Variants in SLC4A3 observed in about 807,000 individuals in gnomAD.
SLC4A3 encodes the protein anion exchange protein 3.
Under a neutral mutation model 114.2 loss-of-function variants are expected in SLC4A3, and 47 were observed. The ratio of observed to expected loss-of-function variants is 0.41; its 90% CI spans 0.33 to 0.52. The LOEUF (loss-of-function observed/expected upper bound fraction) is 0.52. SLC4A3 is among the 20% of genes least tolerant of loss of function. The pLI is 0.21. For synonymous variants in SLC4A3, 693 were observed against 710.3 expected (o/e 0.98, Z 0.39); for missense variants, 1,312 against 1,668.3 (o/e 0.79, Z 3.72).
At position 219,639,395 on chromosome 2, in the gene SLC4A3, C is replaced by A. The variant is rs999655005; in HGVS notation, c.3024-87C>A. ...AACTGTTGTCTGCACGTCCTCCCCC[C>A]ACCATCTCGTCTCTGTGTGCGTGCC... On this transcript the variant is annotated intron_variant, in intron 19 of 22. Coordinates refer to ENST00000358055, the MANE Select transcript of SLC4A3 (RefSeq NM_005070.4). The surrounding 1 kb of genome is among the most constrained non-coding windows in gnomAD (Gnocchi z 5.9). 6.1e-6 allele frequency: 9 copies of A among 1,477,196 alleles called. No individual in the cohort carries two copies. The highest frequency in any genetic ancestry group is 7.4e-6 in the Non-Finnish European group (8 of 1,082,566). The allele number at this position is 1,477,196 out of a possible 1,614,324, so 91.5% of individuals were successfully genotyped here.
rs1343046008 is a variant in SLC4A3 at position 219,638,279 on chromosome 2, C to G, written c.2856+26C>G. 4.5e-6 allele frequency: 7 copies of G among 1,541,804 alleles called. No individual in the cohort carries two copies. The highest frequency in any genetic ancestry group is 5.4e-6 in the Non-Finnish European group (6 of 1,118,582). On this transcript the variant is annotated intron_variant, in intron 18 of 22. Coordinates refer to ENST00000358055, the MANE Select transcript of SLC4A3 (RefSeq NM_005070.4). The surrounding 1 kb of genome is among the most constrained non-coding windows in gnomAD (Gnocchi z 7.5). ...GTGAGGGAGCCCCAGCCTGTGGCAG[C>G]TGCTGTCACCCCCAGGCCAGGAGAG...
chr2:219,639,350 A>C lies in SLC4A3; in HGVS notation c.3024-132A>C, dbSNP rs1574658072. On this transcript the variant is annotated intron_variant, in intron 19 of 22. Transcript: ENST00000358055. This position sits in a 1 kb window ranked among gnomAD's most constrained non-coding sequence, Gnocchi z 5.9. ...CTTCAATTTGGGAACTTGAAAGAAG[A>C]AGCTGGCAGTCCTAGGGAGAACTGT... The C allele has an allele frequency of 8.4e-6, 9 of 1,074,196 alleles. No individual in the cohort carries two copies. In the East Asian group the frequency reaches 1.2e-4, roughly 14 times the overall value. 66.5% of individuals were successfully genotyped at this position (1,074,196 alleles called of 1,614,324 possible). A position where few individuals can be genotyped will look rare whatever the true frequency, so the allele number is the denominator to read the frequency against.
Position 219,630,416 on chromosome 2 carries a change from C to G in SLC4A3, c.811+64C>G, listed in dbSNP as rs551310566. 1 of 1,506,538 alleles carries G rather than the reference C, an allele frequency of 6.6e-7. No homozygotes were observed. Among genetic ancestry groups the G allele is most frequent in the Non-Finnish European group, 8.9e-7 (1 of 1,119,566 alleles). 93.3% of individuals were successfully genotyped at this position (1,506,538 alleles called of 1,614,324 possible). ...GACGGACTCCCAGCCTGCGAGTGAC[C>G]TTGGAGAGGCTCTGAGCTGTCCCCT... On this transcript the variant is annotated intron_variant, in intron 6 of 22. Coordinates refer to ENST00000358055, the MANE Select transcript of SLC4A3 (RefSeq NM_005070.4). This position sits in a 1 kb window ranked among gnomAD's most constrained non-coding sequence, Gnocchi z 6.9.
Position 219,631,908 on chromosome 2 carries a change from G to A in SLC4A3, c.812-60G>A, listed in dbSNP as rs905176773. 5 of 1,524,588 alleles carry A rather than the reference G, an allele frequency of 3.3e-6. No homozygotes were observed. In the Admixed American group the frequency reaches 6.5e-5, roughly 20 times the overall value. 94.4% of individuals were successfully genotyped at this position (1,524,588 alleles called of 1,614,324 possible). ...AGATGGGTTGGGCAGAAGGAGCTGG[G>A]CCGTGACCCCGAGGGCCCCAGCTGG... is the stretch of plus-strand genomic sequence containing the variant. On this transcript the variant is annotated intron_variant, in intron 6 of 22. Transcript: ENST00000358055. This position sits in a 1 kb window ranked among gnomAD's most constrained non-coding sequence, Gnocchi z 6.3.
chr2:219,631,577 G>T lies in SLC4A3; in HGVS notation c.812-391G>T. 1 of 949,840 alleles carries T rather than the reference G, an allele frequency of 1.1e-6. No individual in the cohort carries two copies. The highest frequency in any genetic ancestry group is 1.4e-6 in the Non-Finnish European group (1 of 706,378). The allele number at this position is 949,840 out of a possible 1,614,324, so 58.8% of individuals were successfully genotyped here. A position where few individuals can be genotyped will look rare whatever the true frequency, so the allele number is the denominator to read the frequency against. ...TGTGTACCTTCGGGGAGGGGACGTGGGTGTTGAGATAGGGTGCACGGAAAA... is the reference window on the plus strand; with the variant it reads ...TGTGTACCTTCGGGGAGGGGACGTGTGTGTTGAGATAGGGTGCACGGAAAA... On this transcript the variant is annotated intron_variant, in intron 6 of 22. Coordinates refer to ENST00000358055, the MANE Select transcript of SLC4A3 (RefSeq NM_005070.4). This position sits in a 1 kb window ranked among gnomAD's most constrained non-coding sequence, Gnocchi z 6.3.
At position 219,640,484 on chromosome 2, in the gene SLC4A3, T is replaced by C. The variant is rs1291344464; in HGVS notation, c.3332T>C (p.Phe1111Ser). The C allele has an allele frequency of 6.2e-7, 1 of 1,614,084 alleles. No homozygotes were observed. The highest frequency in any genetic ancestry group is 8.5e-7 in the Non-Finnish European group (1 of 1,179,974). ...CGTCGGATCCCATTGGCTGTGCTCT[T>C]TGGGATCTTCCTGTACATGGGGGTC... ...VLRRIPLAVLFGIFLYMGVTS... is the reference protein window; with the variant it reads ...VLRRIPLAVLSGIFLYMGVTS... Residue 1111 changes from phenylalanine (F) to serine (S), a missense_variant, in exon 21 of 23, where the codon TTT (phenylalanine) becomes TCT (serine). Phe to Ser is a radical substitution (Grantham distance 155, BLOSUM62 -2). Coordinates refer to ENST00000358055, the MANE Select transcript of SLC4A3 (RefSeq NM_005070.4).
Position 219,631,294 on chromosome 2 carries a change from CT to C in SLC4A3, c.812-673del. The C allele has an allele frequency of 7.7e-7, 1 of 1,303,550 alleles. No homozygotes were observed. Among genetic ancestry groups the C allele is most frequent in the Non-Finnish European group, 1.0e-6 (1 of 988,444 alleles). 80.7% of individuals were successfully genotyped at this position (1,303,550 alleles called of 1,614,324 possible). ...CCCAATGGGGCACTGAGCCCTGGGC[CT>C]GGGGATACCAATAGCTGGGGCTTTG... is the stretch of plus-strand genomic sequence containing the variant. On this transcript the variant is annotated intron_variant, in intron 6 of 22. Transcript: ENST00000358055. This position sits in a 1 kb window ranked among gnomAD's most constrained non-coding sequence, Gnocchi z 6.3.
chr2:219,633,168 T>C, intron 9 of SLC4A3, 106 bp from the exon 10 acceptor site: 1 of 1,387,036 alleles, frequency 7.2e-7, no homozygotes, highest in Non-Finnish European at 9.9e-7. Context: ...AGTTTCTTTT[T>C]ACACTGAGGC....
chr2:219,627,998 C>T lies in SLC4A3; in HGVS notation c.6C>T (p.Ala2=). The T allele has an allele frequency of 6.2e-7, 1 of 1,600,390 alleles. No homozygotes were observed. ...CCCCAGCCGCCTACCTGGCCATGGCCAACGGAGTGATCCCGCCGCCCGGGG... is the reference window on the plus strand; with the variant it reads ...CCCCAGCCGCCTACCTGGCCATGGCTAACGGAGTGATCCCGCCGCCCGGGG... The part of the protein sequence containing the change: M[A]NGVIPPPGGA... Residue 2 remains alanine (A), a synonymous_variant, in exon 2 of 23, where the codon GCC becomes GCT. Coordinates refer to ENST00000358055, the MANE Select transcript of SLC4A3 (RefSeq NM_005070.4).
Position 219,630,187 on chromosome 2 carries a change from G to C in SLC4A3, c.646G>C (p.Ala216Pro). ...CCCCCGGGCCCGGGCCTCCCGACTC[G>C]CTGGGGAGAAAAGCCGGCCCTGGAG... ...PSPRARASRL[A>P]GEKSRPWSPS... The change falls in exon 6 of 23, where the codon GCT becomes CCT. Residue 216 changes from alanine (A) to proline (P), a missense_variant. Coordinates refer to ENST00000358055, the MANE Select transcript of SLC4A3 (RefSeq NM_005070.4). The surrounding 1 kb of genome is among the most constrained non-coding windows in gnomAD (Gnocchi z 6.9). 1.2e-6 allele frequency: 2 copies of C among 1,612,642 alleles called. No individual in the cohort carries two copies. The highest frequency in any genetic ancestry group is 2.2e-5 in the South Asian group (2 of 91,010).
In SLC4A3 at chr2:219,637,491, G is replaced by A. The variant is rs1699165902; in HGVS notation, c.2536-90G>A. On this transcript the variant is annotated intron_variant, in intron 16 of 22. Coordinates refer to ENST00000358055, the MANE Select transcript of SLC4A3 (RefSeq NM_005070.4). The surrounding 1 kb of genome is among the most constrained non-coding windows in gnomAD (Gnocchi z 4.6). Reference sequence around the variant, plus strand: ...CTGTTGTCTGACCAGGTATTGAGGGGCCACCCTCTCTCTCACAGGTGTACT... The same window carrying A: ...CTGTTGTCTGACCAGGTATTGAGGGACCACCCTCTCTCTCACAGGTGTACT... 3 of 713,284 alleles carry A rather than the reference G, an allele frequency of 4.2e-6. No individual in the cohort carries two copies. The highest frequency in any genetic ancestry group is 7.3e-6 in the Non-Finnish European group (3 of 410,642). 44.2% of individuals were successfully genotyped at this position (713,284 alleles called of 1,614,324 possible). A position where few individuals can be genotyped will look rare whatever the true frequency, so the allele number is the denominator to read the frequency against.
At chr2:219,640,131 G>A (rs538368833) in intron 20 of SLC4A3, among the ~76,000 whole-genome samples, 13 of 152,088 alleles carry the variant, frequency 8.5e-5, no homozygotes, top group Non-Finnish European at 1.3e-4. Context: ...GGGTTTCACC[G>A]TGTTAGCCAT....
Position 219,636,767 on chromosome 2 carries a change from G to T in SLC4A3, c.2428G>T (p.Ala810Ser). 6.2e-7 allele frequency: 1 copy of T among 1,613,986 alleles called. No individual in the cohort carries two copies. The highest frequency in any genetic ancestry group is 1.1e-5 in the South Asian group (1 of 91,078). ...GGTCTTCGTCCTTGCCCTGGTGGCC[G>T]CCGAAGGCAGCTTCCTGGTCCGCTA... Reference protein sequence around the residue: ...LVVFVLALVAAEGSFLVRYIS... With the variant: ...LVVFVLALVASEGSFLVRYIS... The change falls in exon 16 of 23, where the codon GCC (alanine) becomes TCC (serine). Residue 810 changes from alanine to serine, a missense_variant. Physicochemically the swap from Ala to Ser is moderately conservative, Grantham distance 99 (BLOSUM62 1). Transcript: ENST00000358055. The surrounding 1 kb of genome is among the most constrained non-coding windows in gnomAD (Gnocchi z 5.5).
At chr2:219,632,795 TG>T in intron 8 of SLC4A3, 78 bp from the exon 9 acceptor site, 2 of 1,574,814 alleles carry the variant, frequency 1.3e-6, no homozygotes, top group East Asian at 2.2e-5. Context: ...CGCATGCTTT[TG>T]GGGGGCAAGG....
rs1209912404 is a variant in SLC4A3 at position 219,638,047 on chromosome 2, TG to T, written c.2767-111del. On this transcript the variant is annotated intron_variant, in intron 17 of 22. Coordinates refer to ENST00000358055, the MANE Select transcript of SLC4A3 (RefSeq NM_005070.4). This position sits in a 1 kb window ranked among gnomAD's most constrained non-coding sequence, Gnocchi z 7.5. ...GGCACCTGTGGGGTTGAGAGGCACGTGGGGGGCCTTCTGGCTCCAGCTTGGA... is the reference window on the plus strand; with the variant it reads ...GGCACCTGTGGGGTTGAGAGGCACGTGGGGGCCTTCTGGCTCCAGCTTGGA... The T allele has an allele frequency of 1.2e-6, 1 of 850,598 alleles. No individual in the cohort carries two copies. The allele number at this position is 850,598 out of a possible 1,614,324, so 52.7% of individuals were successfully genotyped here.
At chr2:219,629,720 C>A in intron 5 of SLC4A3, 25 bp downstream of exon 5, 1 of 1,523,050 alleles carries the variant, frequency 6.6e-7, no homozygotes, top group Non-Finnish European at 9.0e-7. Flanking sequence ...CTCTACTCAG[C>A]AGGGCCCAGC....
At position 219,632,300 on chromosome 2, in the gene SLC4A3, C is replaced by T; in HGVS notation, c.999C>T (p.Ser333=). 6.2e-7 allele frequency: 1 copy of T among 1,614,100 alleles called. No individual in the cohort carries two copies. The highest frequency in any genetic ancestry group is 1.3e-5 in the African/African-American group (1 of 75,072). Residue 333 remains serine, a synonymous_variant, in exon 8 of 23, where the codon AGC becomes AGT. Transcript: ENST00000358055. ...TGAACGAGCTGATGCTGGACCGCAG[C>T]CAGGAGCCCCACTGGCGGGAGACGG... ...VELNELMLDR[S]QEPHWRETAR... is the part of the protein sequence containing the mutation.
rs1003113059 is a variant in SLC4A3, at chr2:219,631,700, TGGCTGG to T, written c.812-262_812-257del. 2.0e-5 allele frequency among the ~76,000 whole-genome samples: 3 copies of T among 152,054 alleles called. 1 individual carries two copies. Among genetic ancestry groups the T allele is most frequent in the Non-Finnish European group, 4.4e-5 (3 of 67,984 alleles). The stretch of plus-strand genomic sequence containing the variant: ...TGGCCATGGCAGGGGCTGGAGGGTC[TGGCTGG>T]GGCTGTGGACTGAGCTGGGTCTACC... On this transcript the variant is annotated intron_variant, in intron 6 of 22. Transcript: ENST00000358055. This position sits in a 1 kb window ranked among gnomAD's most constrained non-coding sequence, Gnocchi z 6.3.
rs1698884798 is a variant in SLC4A3, at chr2:219,630,631, C to T, written c.811+279C>T. The stretch of plus-strand genomic sequence containing the variant: ...AAAGGCAGCTCTCTTTTTCACATTA[C>T]TGTATCCCTCCCCAAGGCCCCTCTT... On this transcript the variant is annotated intron_variant, in intron 6 of 22. Transcript: ENST00000358055. The surrounding 1 kb of genome is among the most constrained non-coding windows in gnomAD (Gnocchi z 6.9). 6.6e-6 allele frequency among the ~76,000 whole-genome samples: 1 copy of T among 152,150 alleles called. No homozygotes were observed. The highest frequency in any genetic ancestry group is 2.4e-5 in the African/African-American group (1 of 41,428).
Sources: allele counts gnomAD v4.1 joint callset (sites outside exome capture counted in the v4.1 genomes callset), GRCh38; gene constraint gnomAD v4.1.1; non-coding constraint Gnocchi (gnomAD v3.1); transcripts MANE v1.5; gene names NCBI Gene and HGNC (gene_info 2026-07-23, HGNC 2026-07-21).